ATRNL1: variants seen among roughly 807,000 people sequenced by gnomAD.
The protein encoded by ATRNL1 is attractin like 1, also known as attractin-like protein 1.
In ATRNL1, 95 loss-of-function variants were observed where a neutral mutation model predicts 182.7. The ratio of observed to expected loss-of-function variants is 0.52; its 90% confidence interval spans 0.44 to 0.62. The LOEUF (loss-of-function observed/expected upper bound fraction) is 0.62. Among genes scored for constraint, ATRNL1 ranks in the 20% least tolerant of loss-of-function variants. The probability of loss-of-function intolerance (pLI) is 0.00; values close to 1 mark genes in which losing one functional copy is unlikely to be tolerated. For synonymous variants in ATRNL1, 576 were observed against 568.3 expected (o/e 1.01, Z -0.19); for missense variants, 1,471 against 1,679.5 (o/e 0.88, Z 2.17).
chr10:115,349,846 G>A (rs1346658578), intron 19 of ATRNL1, among the ~76,000 whole-genome samples: 6 of 151,902 alleles, frequency 3.9e-5, no homozygotes, highest in African/African-American at 1.5e-4. Flanking sequence ...TATGTGTTCT[G>A]GTTATTAATC....
chr10:115,591,186 C>G (rs968179010), intron 26 of ATRNL1, among the ~76,000 whole-genome samples: 1 of 152,192 alleles, frequency 6.6e-6, no homozygotes, highest in Non-Finnish European at 1.5e-5. Context: ...GTAGCAATAT[C>G]TTGAGATCTC....
intron 9 of ATRNL1, among the ~76,000 whole-genome samples, chr10:115,240,136 T>C (rs1043545376): frequency 6.6e-6 from 1 of 152,186 alleles, no homozygotes; most frequent in African/African-American, 2.4e-5. Context: ...CTTAGCAAAA[T>C]TTTCTTAGGT....
intron 21 of ATRNL1, among the ~76,000 whole-genome samples, chr10:115,455,413 T>C (rs1175182029): frequency 6.6e-6 from 1 of 152,142 alleles, no homozygotes; most frequent in East Asian, 1.9e-4. Context: ...TAAATGGTGT[T>C]GGGGAAACTG....
chr10:115,347,120 C>G (rs139715362), intron 19 of ATRNL1, among the ~76,000 whole-genome samples: 1 of 152,144 alleles, frequency 6.6e-6, no homozygotes, highest in East Asian at 1.9e-4. Context: ...AGGTTGAAGA[C>G]AAGTTTAGTT....
intron 6 of ATRNL1, among the ~76,000 whole-genome samples, chr10:115,161,844 C>T (rs1554883378): frequency 6.6e-6 from 1 of 151,974 alleles, no homozygotes; most frequent in African/African-American, 2.4e-5. Flanking sequence ...AGGATAACAG[C>T]TTTCAGAAGT....
chr10:115,448,619 G>C (rs1462947156), intron 21 of ATRNL1, among the ~76,000 whole-genome samples: 1 of 151,722 alleles, frequency 6.6e-6, no homozygotes, highest in Non-Finnish European at 1.5e-5. Flanking sequence ...AATAATTAGA[G>C]AAGCAAGAAC....
chr10:115,750,308 AAT>A (rs1462639892), intron 27 of ATRNL1, among the ~76,000 whole-genome samples: 3 of 151,934 alleles, frequency 2.0e-5, no homozygotes, highest in African/African-American at 7.2e-5. Context: ...ACAGAATTAA[AAT>A]ATATATAGAT....
chr10:115,690,965 G>A (rs1284069135), intron 26 of ATRNL1, among the ~76,000 whole-genome samples: 1 of 152,086 alleles, frequency 6.6e-6, no homozygotes, highest in Non-Finnish European at 1.5e-5. Flanking sequence ...AGCCCCTTGG[G>A]GCTCCCAAGC....
At chr10:115,385,477 A>G (rs537828867) in intron 19 of ATRNL1, among the ~76,000 whole-genome samples, 3 of 152,292 alleles carry the variant, frequency 2.0e-5, no homozygotes, top group African/African-American at 4.8e-5. Flanking sequence ...TCCCTCAGAT[A>G]TATGGATTGC....
At chr10:115,338,176 A>G (rs1592480192) in intron 19 of ATRNL1, among the ~76,000 whole-genome samples, 1 of 152,114 alleles carries the variant, frequency 6.6e-6, no homozygotes, top group Non-Finnish European at 1.5e-5. Context: ...AATTTTATCT[A>G]TTGTAAACAT....
At chr10:115,824,749 C>A (rs1950388130) in intron 27 of ATRNL1, among the ~76,000 whole-genome samples, 1 of 152,078 alleles carries the variant, frequency 6.6e-6, no homozygotes, top group South Asian at 2.1e-4. Context: ...GAATGGCAGT[C>A]ATTAAAAAGT....
intron 26 of ATRNL1, among the ~76,000 whole-genome samples, chr10:115,621,124 G>A (rs1437384510): frequency 6.6e-6 from 1 of 151,388 alleles, no homozygotes; most frequent in East Asian, 1.9e-4. Context: ...TTTAATACAA[G>A]CAAAAGAAAA....
chr10:115,771,959 G>A (rs1180732657), intron 27 of ATRNL1, among the ~76,000 whole-genome samples: 2 of 152,210 alleles, frequency 1.3e-5, no homozygotes, highest in African/African-American at 4.8e-5. Flanking sequence ...GATAACCACT[G>A]TTTAGAGCTG....
chr10:115,524,692 G>C (rs779021755), intron 25 of ATRNL1, among the ~76,000 whole-genome samples: 1 of 152,132 alleles, frequency 6.6e-6, no homozygotes, highest in Non-Finnish European at 1.5e-5. Context: ...GGTTATTCCA[G>C]CTACCTTGTA....
At chr10:115,797,413 T>A (rs1326765970) in intron 27 of ATRNL1, among the ~76,000 whole-genome samples, 1 of 152,136 alleles carries the variant, frequency 6.6e-6, no homozygotes, top group Admixed American at 6.5e-5. Flanking sequence ...CAAGCAGGTA[T>A]CAACTTTTAT....
At chr10:115,865,466 CATAT>C (rs1951418799) in intron 28 of ATRNL1, among the ~76,000 whole-genome samples, 1 of 152,098 alleles carries the variant, frequency 6.6e-6, no homozygotes, top group African/African-American at 2.4e-5. Flanking sequence ...TCATAGAAAT[CATAT>C]TTATTTCATT....
intron 21 of ATRNL1, among the ~76,000 whole-genome samples, chr10:115,452,007 A>T (rs1847307024): frequency 6.6e-6 from 1 of 152,184 alleles, no homozygotes. Context: ...CAATGCAGGT[A>T]CAGAAAACCA....
intron 17 of ATRNL1, among the ~76,000 whole-genome samples, chr10:115,312,087 A>G (rs1854064397): frequency 1.3e-5 from 2 of 152,034 alleles, no homozygotes; most frequent in South Asian, 2.1e-4. Context: ...TATGTGGAGC[A>G]TTTATACCAT....
intron 26 of ATRNL1, among the ~76,000 whole-genome samples, chr10:115,626,401 TG>T (rs782198672): frequency 3.5e-4 from 53 of 152,212 alleles, no homozygotes; most frequent in Non-Finnish European, 1.0e-4. Context: ...AATAGTAATT[TG>T]GCTCAAATAC....
Sources: allele counts gnomAD v4.1 joint callset (sites outside exome capture counted in the v4.1 genomes callset), GRCh38; gene constraint gnomAD v4.1.1; transcripts MANE v1.5; gene names NCBI Gene and HGNC (gene_info 2026-07-23, HGNC 2026-07-21).